PSMB2: variants seen among roughly 807,000 people sequenced by gnomAD.
PSMB2 encodes proteasome subunit beta type-2.
PSMB2 carries 13 observed loss-of-function variants against 25.7 expected under a neutral mutation model. The ratio of observed to expected loss-of-function variants is 0.51; its 90% CI spans 0.33 to 0.80. PSMB2 has a LOEUF of 0.80. Ranked by LOEUF, PSMB2 falls within the 30% of genes least tolerant of loss-of-function variation. The pLI is 0.02. For missense variants in PSMB2, 202 were observed against 259.0 expected (o/e 0.78, Z 1.51); for synonymous variants, 87 against 96.2 (o/e 0.90, Z 0.56).
intron 3 of PSMB2, among the ~76,000 whole-genome samples, chr1:35,623,727 A>G (rs1650765910): frequency 6.6e-6 from 1 of 152,224 alleles, no homozygotes; most frequent in African/African-American, 2.4e-5. Context: ...ATGAGGCCTC[A>G]AGGGAGATGG....
Position 35,628,648 on chromosome 1 carries a change from T to TCA in PSMB2, c.285+2625_285+2626insTG, listed in dbSNP as rs1553125213. Among the ~76,000 whole-genome samples, 3 of 34,740 alleles carry TCA rather than the reference T, an allele frequency of 8.6e-5. 1 individual carries two copies. Among genetic ancestry groups the TCA allele is most frequent in the Non-Finnish European group, 2.6e-4 (3 of 11,616 alleles). The allele number at this position is 34,740 out of a possible 152,430, so 22.8% of individuals were successfully genotyped here. Reference sequence around the variant, plus strand: ...ATATATATATTTTTTTTTTTTTTTTTAAAGAAAAGACTACTGATCTTTCAC... The same window carrying TCA: ...ATATATATATTTTTTTTTTTTTTTTTCAAAAGAAAAGACTACTGATCTTTCAC... On this transcript the variant is annotated intron_variant, in intron 3 of 5. Transcript: ENST00000373237.
Position 35,628,609 on chromosome 1 carries a change from ATATATATATATATATATATATATTT to A in PSMB2, c.285+2640_285+2664del, listed in dbSNP as rs1557456406. On this transcript the variant is annotated intron_variant, in intron 3 of 5. Coordinates refer to ENST00000373237, the MANE Select transcript of PSMB2 (RefSeq NM_002794.5). ...AAAAAAAAAAAAAATATATATATATATATATATATATATATATATATATTTTTTTTTTTTTTTTTAAAGAAAAGAC... is the reference window on the plus strand; with the variant it reads ...AAAAAAAAAAAAAATATATATATATATTTTTTTTTTTTTTAAAGAAAAGAC... Among the ~76,000 whole-genome samples, 15 of 25,158 alleles carry A rather than the reference ATATATATATATATATATATATATTT, an allele frequency of 6.0e-4. 1 individual carries two copies. The highest frequency in any genetic ancestry group is 1.5e-3 in the African/African-American group (14 of 9,506). The allele number at this position is 25,158 out of a possible 152,430, so 16.5% of individuals were successfully genotyped here. A position where few individuals can be genotyped will look rare whatever the true frequency, so the allele number is the denominator to read the frequency against.
intron 3 of PSMB2, among the ~76,000 whole-genome samples, chr1:35,619,495 G>C (rs1650612733): frequency 1.3e-5 from 2 of 152,208 alleles, no homozygotes; most frequent in African/African-American, 2.4e-5. Context: ...AGTACTGCTT[G>C]CTTGACAGAG....
At chr1:35,624,786 G>C (rs1650801743) in intron 3 of PSMB2, among the ~76,000 whole-genome samples, 1 of 151,946 alleles carries the variant, frequency 6.6e-6, no homozygotes. Context: ...AAAAACGCCA[G>C]GCACGGTGGC....
At chr1:35,609,807 A>G (rs1418710648) in intron 3 of PSMB2, among the ~76,000 whole-genome samples, 2 of 152,244 alleles carry the variant, frequency 1.3e-5, no homozygotes, top group Admixed American at 1.3e-4. Flanking sequence ...TGTCACACAA[A>G]GGAGAAATGA....
At chr1:35,628,618 T>TAC in intron 3 of PSMB2, among the ~76,000 whole-genome samples, 1 of 52,332 alleles carries the variant, frequency 1.9e-5, no homozygotes, top group African/African-American at 7.6e-5. Flanking sequence ...TATATATATA[T>TAC]ATATATATAT....
intron 3 of PSMB2, among the ~76,000 whole-genome samples, chr1:35,615,643 G>A (rs1650472656): frequency 6.6e-6 from 1 of 152,158 alleles, no homozygotes; most frequent in Admixed American, 6.5e-5. Flanking sequence ...GGGGGAGAGA[G>A]GTGGGCGTGA....
In PSMB2 at chr1:35,609,265, G is replaced by A. The variant is rs748633281; in HGVS notation, c.429C>T (p.Leu143=). 6 of 1,609,854 alleles carry A rather than the reference G, an allele frequency of 3.7e-6. No homozygotes were observed. In the South Asian group the frequency reaches 4.4e-5, roughly 12 times the overall value. The change falls in exon 4 of 6, where the codon CTC becomes CTT. Residue 143 remains leucine (L), a synonymous_variant. Coordinates refer to ENST00000373237, the MANE Select transcript of PSMB2 (RefSeq NM_002794.5). The part of the protein sequence containing the change: ...GYGAFLTLSI[L]DRYYTPTISR... ...ACTTACTCGGTGTGTAGTATCGGTC[G>A]AGGATACTGAGAGTCAGGAAGGCAC...
chr1:35,605,427 C>T, intron 4 of PSMB2, 145 bp from the exon 5 acceptor site: 1 of 812,808 alleles, frequency 1.2e-6, no homozygotes, highest in Admixed American at 2.3e-5. Context: ...GCCTTCTAGC[C>T]TGCAATCAAC....
At chr1:35,639,416 A>T (rs1651332322) in intron 1 of PSMB2, among the ~76,000 whole-genome samples, 1 of 152,238 alleles carries the variant, frequency 6.6e-6, no homozygotes, top group African/African-American at 2.4e-5. Flanking sequence ...TCTTTCTCCC[A>T]TACCATAGTT....
intron 3 of PSMB2, among the ~76,000 whole-genome samples, chr1:35,611,767 T>C (rs555992694): frequency 6.6e-6 from 1 of 151,912 alleles, no homozygotes; most frequent in East Asian, 1.9e-4. Flanking sequence ...GAGGCTGCAG[T>C]GAGCCGAGAT....
chr1:35,627,246 G>C (rs902513471), intron 3 of PSMB2, among the ~76,000 whole-genome samples: 1 of 122,278 alleles, frequency 8.2e-6, no homozygotes, highest in African/African-American at 3.3e-5. Context: ...GTGACAGAGC[G>C]AGACCCTATC....
chr1:35,605,156 T>C, intron 5 of PSMB2, 77 bp downstream of exon 5: 1 of 1,441,054 alleles, frequency 6.9e-7, no homozygotes, highest in Non-Finnish European at 9.6e-7. Context: ...TCTGAAAAAA[T>C]ATAACTGAGG....
intron 1 of PSMB2, among the ~76,000 whole-genome samples, chr1:35,640,290 G>C (rs1440732990): frequency 6.6e-6 from 1 of 152,068 alleles, no homozygotes; most frequent in African/African-American, 2.4e-5. Flanking sequence ...GTATTATTAA[G>C]TACCTGCCTA....
At chr1:35,630,310 CTTACTA>C (rs1237909913) in intron 3 of PSMB2, among the ~76,000 whole-genome samples, 1 of 152,182 alleles carries the variant, frequency 6.6e-6, no homozygotes, top group African/African-American at 2.4e-5. Context: ...TAAACGTACT[CTTACTA>C]TATGATCCAG....
At chr1:35,611,651 T>C (rs1395493560) in intron 3 of PSMB2, among the ~76,000 whole-genome samples, 3 of 151,978 alleles carry the variant, frequency 2.0e-5, no homozygotes, top group Non-Finnish European at 4.4e-5. Flanking sequence ...TGGTGAAATA[T>C]TGTCTCTACG....
intron 4 of PSMB2, 58 bp from the exon 5 acceptor site, chr1:35,605,340 G>C: frequency 4.6e-6 from 7 of 1,536,634 alleles, no homozygotes; most frequent in Non-Finnish European, 6.3e-6. Flanking sequence ...CCAACTCTCA[G>C]AAGCTTTTGA....
intron 3 of PSMB2, among the ~76,000 whole-genome samples, chr1:35,628,595 AAATATATATAT>A (rs1402353371): frequency 9.9e-4 from 12 of 12,066 alleles, no homozygotes; most frequent in Admixed American, 3.1e-3. Context: ...AAAAAAAAAA[AAATATATATAT>A]ATATATATAT....
In PSMB2 at chr1:35,609,398, T is replaced by C; in HGVS notation, c.296A>G (p.His99Arg). Residue 99 changes from histidine to arginine, a missense_variant, in exon 4 of 6, where the codon CAT (histidine) becomes CGT (arginine). Coordinates refer to ENST00000373237, the MANE Select transcript of PSMB2 (RefSeq NM_002794.5). ...ATAGCCAGCCAGGAGGAGGTTCACA[T>C]GATATGGGGTCTGCAAAGAAAAGAT... is the stretch of plus-strand genomic sequence containing the variant. ...ADCLRSRTPY[H>R]VNLLLAGYDE... is the part of the protein sequence containing the mutation. 1 of 1,552,210 alleles carries C rather than the reference T, an allele frequency of 6.4e-7. No individual in the cohort carries two copies. The highest frequency in any genetic ancestry group is 8.7e-7 in the Non-Finnish European group (1 of 1,145,048).
Sources: allele counts gnomAD v4.1 joint callset (sites outside exome capture counted in the v4.1 genomes callset), GRCh38; gene constraint gnomAD v4.1.1; transcripts MANE v1.5; gene names NCBI Gene and HGNC (gene_info 2026-07-23, HGNC 2026-07-21).